Variants in PLEKHG3 observed in about 807,000 individuals in gnomAD.
The protein encoded by PLEKHG3 is pleckstrin homology domain-containing family G member 3.
A neutral mutation model predicts 94.9 loss-of-function variants in PLEKHG3; 62 were observed. The observed-to-expected ratio is 0.65, with a 90% CI of 0.53 to 0.81. The LOEUF (loss-of-function observed/expected upper bound fraction) is 0.81. PLEKHG3 is among the 30% of genes least tolerant of loss of function. The probability of loss-of-function intolerance (pLI) is 0.00; values close to 1 mark genes in which losing one functional copy is unlikely to be tolerated. For synonymous variants in PLEKHG3, 614 were observed against 654.0 expected (o/e 0.94, Z 0.93); for missense variants, 1,461 against 1,619.3 (o/e 0.90, Z 1.68).
chr14:64,719,909 G>A (rs1352160161), intron 1 of PLEKHG3, among the ~76,000 whole-genome samples: 1 of 152,182 alleles, frequency 6.6e-6, no homozygotes, highest in African/African-American at 2.4e-5. Context: ...GAGAGGTGGG[G>A]CCTCTGGGAA....
chr14:64,732,558 G>C lies in PLEKHG3; in HGVS notation c.1246+98G>C. On this transcript the variant is annotated intron_variant, in intron 11 of 16. Coordinates refer to ENST00000247226, the MANE Select transcript of PLEKHG3 (RefSeq NM_001308147.2). The surrounding 1 kb of genome is among the most constrained non-coding windows in gnomAD (Gnocchi z 4.9). ...GCTTTACCTGATAATTTTATTCCAG[G>C]AGCAGGGAGGGCGGGGGTCTCCTGT... 4.4e-6 allele frequency: 5 copies of C among 1,124,060 alleles called. No homozygotes were observed. Among genetic ancestry groups the C allele is most frequent in the Non-Finnish European group, 6.8e-6 (5 of 735,700 alleles). 69.6% of individuals were successfully genotyped at this position (1,124,060 alleles called of 1,614,324 possible).
chr14:64,738,962 GGAACAGA>G lies in PLEKHG3; in HGVS notation c.1518+110_1518+116del. On this transcript the variant is annotated intron_variant, in intron 15 of 16. Coordinates refer to ENST00000247226, the MANE Select transcript of PLEKHG3 (RefSeq NM_001308147.2). This position sits in a 1 kb window ranked among gnomAD's most constrained non-coding sequence, Gnocchi z 4.8. ...CACAGGCTCTCCCACTGGGCCCATG[GGAACAGA>G]GATTCCCCACCTCCCAGGACTCTCA... is the stretch of plus-strand genomic sequence containing the variant. 1.4e-6 allele frequency: 1 copy of G among 717,758 alleles called. No homozygotes were observed. The highest frequency in any genetic ancestry group is 2.5e-6 in the Non-Finnish European group (1 of 404,432). The allele number at this position is 717,758 out of a possible 1,614,324, so 44.5% of individuals were successfully genotyped here.
intron 1 of PLEKHG3, among the ~76,000 whole-genome samples, chr14:64,705,375 C>T (rs1246153418): frequency 6.6e-6 from 1 of 152,228 alleles, no homozygotes; most frequent in Non-Finnish European, 1.5e-5. Context: ...GCTACTTTGA[C>T]TCTTCGGGGC....
At position 64,722,060 on chromosome 14, in the gene PLEKHG3, C is replaced by T. The variant is rs1010253700; in HGVS notation, c.-39-5533C>T. Among the ~76,000 whole-genome samples, 26 of 152,076 alleles carry T rather than the reference C, an allele frequency of 1.7e-4. No individual in the cohort carries two copies. The highest frequency in any genetic ancestry group is 6.3e-4 in the African/African-American group (26 of 41,400). The stretch of plus-strand genomic sequence containing the variant: ...CTTTTTGAAGGGATTCCGAAAGTGC[C>T]GTCTTGGGGATTGTTTGGGGGAAGG... On this transcript the variant is annotated intron_variant, in intron 1 of 16. Coordinates refer to ENST00000247226, the MANE Select transcript of PLEKHG3 (RefSeq NM_001308147.2). This position sits in a 1 kb window ranked among gnomAD's most constrained non-coding sequence, Gnocchi z 4.3.
At chr14:64,713,934 A>G (rs2081098740) in intron 1 of PLEKHG3, among the ~76,000 whole-genome samples, 1 of 151,832 alleles carries the variant, frequency 6.6e-6, no homozygotes, top group South Asian at 2.1e-4. Flanking sequence ...TTCAATATTG[A>G]ATATTTTATT....
Position 64,747,511 on chromosome 14 carries a change from C to T in PLEKHG3, c.*3808C>T, listed in dbSNP as rs2081865583. On this transcript the variant is annotated 3_prime_UTR_variant, in exon 17 of 17. Transcript: ENST00000247226. The stretch of plus-strand genomic sequence containing the variant: ...GCGGGAACCTGGGGATGTCAGGCTC[C>T]ATCGGATGACGTCTTCCTTCCTGTG... 6.6e-6 allele frequency: 1 copy of T among 152,666 alleles called. No homozygotes were observed. The highest frequency in any genetic ancestry group is 1.5e-5 in the Non-Finnish European group (1 of 68,112). 9.5% of individuals were successfully genotyped at this position (152,666 alleles called of 1,614,324 possible). A position where few individuals can be genotyped will look rare whatever the true frequency, so the allele number is the denominator to read the frequency against.
chr14:64,749,296 GC>G lies in PLEKHG3; in HGVS notation c.*5597del. The G allele has an allele frequency of 1.3e-6, 2 of 1,590,818 alleles. No homozygotes were observed. Among genetic ancestry groups the G allele is most frequent in the Non-Finnish European group, 1.7e-6 (2 of 1,171,322 alleles). ...CGTCCCGACTCCGCCGCGCCCGCCA[GC>G]CCCACCTGCTACTTCTTTTTGGGGA... is the stretch of plus-strand genomic sequence containing the variant. On this transcript the variant is annotated 3_prime_UTR_variant, in exon 17 of 17. Coordinates refer to ENST00000247226, the MANE Select transcript of PLEKHG3 (RefSeq NM_001308147.2). The surrounding 1 kb of genome is among the most constrained non-coding windows in gnomAD (Gnocchi z 4.7).
intron 16 of PLEKHG3, 67 bp downstream of exon 16, chr14:64,742,522 T>G: frequency 4.1e-6 from 5 of 1,219,254 alleles, no homozygotes; most frequent in Middle Eastern, 2.5e-4. Context: ...AAGGAGCCAC[T>G]TGGCTCCTCG....
In PLEKHG3 at chr14:64,723,491, G is replaced by A. The variant is rs1353080609; in HGVS notation, c.-39-4102G>A. Among the ~76,000 whole-genome samples the A allele has an allele frequency of 6.9e-6, 1 of 145,476 alleles. No individual in the cohort carries two copies. The highest frequency in any genetic ancestry group is 1.5e-5 in the Non-Finnish European group (1 of 65,916). On this transcript the variant is annotated intron_variant, in intron 1 of 16. Transcript: ENST00000247226. The surrounding 1 kb of genome is among the most constrained non-coding windows in gnomAD (Gnocchi z 4.5). The stretch of plus-strand genomic sequence containing the variant: ...AAGGTTTCACAAGTATAGGACTTGA[G>A]AAAGAGTTTTCTTTTTTCTTTTTTT...
rs2081330456 is a variant in PLEKHG3 at position 64,725,259 on chromosome 14, A to G, written c.-39-2334A>G. ...AGACTGTGAACTGGCTGGCTGTGAA[A>G]TCCATTTGGGAGTGGGGCCGTTTCC... On this transcript the variant is annotated intron_variant, in intron 1 of 16. Transcript: ENST00000247226. The surrounding 1 kb of genome is among the most constrained non-coding windows in gnomAD (Gnocchi z 5.0). Among the ~76,000 whole-genome samples, 1 of 151,972 alleles carries G rather than the reference A, an allele frequency of 6.6e-6. No homozygotes were observed. Among genetic ancestry groups the G allele is most frequent in the African/African-American group, 2.4e-5 (1 of 41,348 alleles).
rs2081349165 is a variant in PLEKHG3, at chr14:64,726,182, CA to C, written c.-39-1407del. Among the ~76,000 whole-genome samples the C allele has an allele frequency of 6.6e-6, 1 of 152,064 alleles. No homozygotes were observed. Among genetic ancestry groups the C allele is most frequent in the African/African-American group, 2.4e-5 (1 of 41,388 alleles). ...AACGCCAAGGCAGAGAGAACATTTG[CA>C]AAAGCCGGAGACCCAGGGGTGTTGG... On this transcript the variant is annotated intron_variant, in intron 1 of 16. Coordinates refer to ENST00000247226, the MANE Select transcript of PLEKHG3 (RefSeq NM_001308147.2). The surrounding 1 kb of genome is among the most constrained non-coding windows in gnomAD (Gnocchi z 5.1).
chr14:64,749,615 C>A lies in PLEKHG3; in HGVS notation c.*5912C>A, dbSNP rs375124101. On this transcript the variant is annotated 3_prime_UTR_variant, in exon 17 of 17. Coordinates refer to ENST00000247226, the MANE Select transcript of PLEKHG3 (RefSeq NM_001308147.2). The surrounding 1 kb of genome is among the most constrained non-coding windows in gnomAD (Gnocchi z 4.7). The stretch of plus-strand genomic sequence containing the variant: ...GCGGCCTGGGGTCCTCCACCTACCC[C>A]CTTCTTAGCCAGGTCTGGGCTAGGC... 9.3e-6 allele frequency: 15 copies of A among 1,612,772 alleles called. No individual in the cohort carries two copies. Among genetic ancestry groups the A allele is most frequent in the Middle Eastern group, 1.6e-4 (1 of 6,062 alleles).
At chr14:64,737,027 C>A in intron 13 of PLEKHG3, 136 bp downstream of exon 13, 1 of 763,478 alleles carries the variant, frequency 1.3e-6, no homozygotes, top group Non-Finnish European at 2.3e-6. Flanking sequence ...TGCCTCCATT[C>A]CCCCCAGAAG....
rs2081763881 is a variant in PLEKHG3 at position 64,743,477 on chromosome 14, T to C, written c.3434T>C (p.Ile1145Thr). 9.3e-6 allele frequency: 15 copies of C among 1,613,008 alleles called. No homozygotes were observed. Among genetic ancestry groups the C allele is most frequent in the Non-Finnish European group, 1.1e-5 (13 of 1,179,956 alleles). ...ACCCTGGAGGACAACCGGCGGGTGA[T>C]TGTCATGGAGAAGGGACCCCTTCCC... The part of the protein sequence containing the change: ...DLTLEDNRRV[I>T]VMEKGPLPSP... Residue 1145 changes from isoleucine (I) to threonine (T), a missense_variant, in exon 17 of 17, where the codon ATT becomes ACT. Transcript: ENST00000247226. This position sits in a 1 kb window ranked among gnomAD's most constrained non-coding sequence, Gnocchi z 7.2.
rs1336325060 is a variant in PLEKHG3 at position 64,715,004 on chromosome 14, G to C, written c.-40+10300G>C. Among the ~76,000 whole-genome samples, 1 of 152,158 alleles carries C rather than the reference G, an allele frequency of 6.6e-6. No homozygotes were observed. Among genetic ancestry groups the C allele is most frequent in the Non-Finnish European group, 1.5e-5 (1 of 68,036 alleles). On this transcript the variant is annotated intron_variant, in intron 1 of 16. Coordinates refer to ENST00000247226, the MANE Select transcript of PLEKHG3 (RefSeq NM_001308147.2). The surrounding 1 kb of genome is among the most constrained non-coding windows in gnomAD (Gnocchi z 4.4). Reference sequence around the variant, plus strand: ...TCAGAGAAAACAGCTTGGGATACTTGCTACTCACTGAGACCCCGTGCAGGT... The same window carrying C: ...TCAGAGAAAACAGCTTGGGATACTTCCTACTCACTGAGACCCCGTGCAGGT...
intron 1 of PLEKHG3, among the ~76,000 whole-genome samples, chr14:64,719,879 C>A: frequency 6.6e-6 from 1 of 152,144 alleles, no homozygotes; most frequent in East Asian, 1.9e-4. Context: ...GTCCTGTGAA[C>A]CTTTTTGACC....
chr14:64,738,124 C>A lies in PLEKHG3; in HGVS notation c.1405-618C>A. Reference sequence around the variant, plus strand: ...GAGGAGGAGCAGGAGGAGAGCCTGGCGGTGGCGGAGCAGGTAGCCGACTTT... The same window carrying A: ...GAGGAGGAGCAGGAGGAGAGCCTGGAGGTGGCGGAGCAGGTAGCCGACTTT... On this transcript the variant is annotated intron_variant, in intron 14 of 16. Transcript: ENST00000247226. This position sits in a 1 kb window ranked among gnomAD's most constrained non-coding sequence, Gnocchi z 4.8. 2 of 1,300,280 alleles carry A rather than the reference C, an allele frequency of 1.5e-6. No homozygotes were observed. Among genetic ancestry groups the A allele is most frequent in the Non-Finnish European group, 2.0e-6 (2 of 995,064 alleles). The allele number at this position is 1,300,280 out of a possible 1,614,324, so 80.5% of individuals were successfully genotyped here. A position where few individuals can be genotyped will look rare whatever the true frequency, so the allele number is the denominator to read the frequency against.
chr14:64,743,591 C>T lies in PLEKHG3; in HGVS notation c.3548C>T (p.Ser1183Phe). 6.2e-7 allele frequency: 1 copy of T among 1,612,982 alleles called. No individual in the cohort carries two copies. Among genetic ancestry groups the T allele is most frequent in the East Asian group, 2.2e-5 (1 of 44,886 alleles). The change falls in exon 17 of 17, where the codon TCT (serine) becomes TTT (phenylalanine). Residue 1183 changes from serine to phenylalanine, a missense_variant. Physicochemically the swap from Ser to Phe is radical, Grantham distance 155. Coordinates refer to ENST00000247226, the MANE Select transcript of PLEKHG3 (RefSeq NM_001308147.2). The surrounding 1 kb of genome is among the most constrained non-coding windows in gnomAD (Gnocchi z 7.2). ...GGGCAGGTTCAGGACTTCCAGCAGT[C>T]TGCAGAGTGCCAGCCGAAGGAAGAG... is the stretch of plus-strand genomic sequence containing the variant. Reference protein sequence around the residue: ...LLGQVQDFQQSAECQPKEEGS... With the variant: ...LLGQVQDFQQFAECQPKEEGS...
Position 64,722,767 on chromosome 14 carries a change from C to T in PLEKHG3, c.-39-4826C>T, listed in dbSNP as rs1279138290. 6.6e-6 allele frequency among the ~76,000 whole-genome samples: 1 copy of T among 152,134 alleles called. No homozygotes were observed. The highest frequency in any genetic ancestry group is 1.5e-5 in the Non-Finnish European group (1 of 68,024). On this transcript the variant is annotated intron_variant, in intron 1 of 16. Transcript: ENST00000247226. This position sits in a 1 kb window ranked among gnomAD's most constrained non-coding sequence, Gnocchi z 4.3. ...CACCAGAGGGTTCACCCCCAAGTGT[C>T]CTCTTCCCCTCTCCTGCCTTGTCCT...
Sources: gnomAD v4.1 joint callset for allele counts (sites outside exome capture counted in the v4.1 genomes callset) on GRCh38, gnomAD v4.1.1 for gene constraint, Gnocchi (gnomAD v3.1) non-coding constraint, MANE v1.5 for transcripts, NCBI Gene and HGNC (gene_info 2026-07-23, HGNC 2026-07-21) for gene names.